The following TEX9 variants were observed in gnomAD, a reference collection of about 807,000 sequenced individuals.
The protein encoded by TEX9 is testis-expressed protein 9.
Under a neutral mutation model 59.6 loss-of-function variants are expected in TEX9, and 74 were observed. That is an observed-to-expected ratio of 1.24 (90% CI 1.03 to 1.51). The LOEUF is 1.51. TEX9 is among the 40% of genes most tolerant of loss of function. The pLI is 0.00. For synonymous variants in TEX9, 186 were observed against 152.2 expected (o/e 1.22, Z -1.64); for missense variants, 522 against 447.8 (o/e 1.17, Z -1.49).
At chr15:56,341,965 G>A (rs1266485551) in intron 1 of TEX9, among the ~76,000 whole-genome samples, 1 of 151,966 alleles carries the variant, frequency 6.6e-6, no homozygotes, top group Non-Finnish European at 1.5e-5. Flanking sequence ...CATATTATGT[G>A]GCTGTTCTCA....
chr15:56,389,575 A>G (rs1291235933), intron 6 of TEX9, among the ~76,000 whole-genome samples, 175 bp downstream of exon 6: 1 of 152,018 alleles, frequency 6.6e-6, no homozygotes, highest in Non-Finnish European at 1.5e-5. Flanking sequence ...CTACTCAGGA[A>G]TGTTTTGCAG....
intron 3 of TEX9, among the ~76,000 whole-genome samples, chr15:56,382,215 C>T (rs555614850): frequency 4.7e-4 from 71 of 152,130 alleles, no homozygotes; most frequent in Non-Finnish European, 9.1e-4. Flanking sequence ...TCAGTCAGGT[C>T]GTGGTGAATG....
chr15:56,441,060 G>A (rs113199989), intron 12 of TEX9, among the ~76,000 whole-genome samples: 6 of 151,998 alleles, frequency 3.9e-5, no homozygotes, highest in Non-Finnish European at 7.4e-5. Context: ...TTAACTGCAC[G>A]TCACATATTT....
intron 5 of TEX9, 32 bp downstream of exon 5, chr15:56,388,552 ATATTCTG>A (rs2048064595): frequency 6.3e-7 from 1 of 1,577,050 alleles, no homozygotes; most frequent in Non-Finnish European, 8.7e-7. Context: ...GAATGCAATT[ATATTCTG>A]TAGAACTCCG....
At chr15:56,269,200 T>C (rs562063198) in intron 1 of TEX9, among the ~76,000 whole-genome samples, 103 of 152,260 alleles carry the variant, frequency 6.8e-4, no homozygotes, top group African/African-American at 2.4e-3. Flanking sequence ...TGCATCTATT[T>C]GATTCTTCTC....
At chr15:56,353,920 G>C (rs1380438561) in intron 1 of TEX9, among the ~76,000 whole-genome samples, 1 of 152,130 alleles carries the variant, frequency 6.6e-6, no homozygotes, top group Non-Finnish European at 1.5e-5. Context: ...GCCAGCTTTA[G>C]AGGCCTTTTT....
At chr15:56,456,090 T>C in the TEX9 span, among the ~76,000 whole-genome samples, 20 of 152,282 alleles carry the variant, frequency 1.3e-4, no homozygotes, top group African/African-American at 4.8e-4. Context: ...AAACTAGTTA[T>C]TACCTAAGGT....
chr15:56,375,396 T>C (rs1351264180), intron 3 of TEX9, among the ~76,000 whole-genome samples: 2 of 151,444 alleles, frequency 1.3e-5, no homozygotes, highest in Non-Finnish European at 3.0e-5. Context: ...TTTGAGTTCA[T>C]TGTAGATTCT....
At chr15:56,276,322 C>T (rs1329266412) in intron 1 of TEX9, among the ~76,000 whole-genome samples, 1 of 152,196 alleles carries the variant, frequency 6.6e-6, no homozygotes, top group African/African-American at 2.4e-5. Context: ...AGTGCTCTCC[C>T]TCCTCTTGCC....
chr15:56,350,068 C>T (rs1305664252), intron 1 of TEX9, among the ~76,000 whole-genome samples: 1 of 151,932 alleles, frequency 6.6e-6, no homozygotes, highest in Non-Finnish European at 1.5e-5. Context: ...GCTTATAGTC[C>T]TTATATTGTA....
chr15:56,253,369 T>A (rs1308714324), intron 1 of TEX9, among the ~76,000 whole-genome samples: 2 of 152,104 alleles, frequency 1.3e-5, no homozygotes, highest in Non-Finnish European at 1.5e-5. Context: ...TACAGAGGTG[T>A]CTGACTTTAA....
intron 1 of TEX9, among the ~76,000 whole-genome samples, chr15:56,256,239 G>T (rs1340948938): frequency 6.6e-6 from 1 of 151,950 alleles, no homozygotes; most frequent in East Asian, 1.9e-4. Context: ...TCATGTCACA[G>T]ATGAGGAACT....
rs575850152 is a variant in TEX9 at position 56,339,212 on chromosome 15, G to A, written c.-106-34229G>A. 3.3e-5 allele frequency among the ~76,000 whole-genome samples: 5 copies of A among 151,050 alleles called. No homozygotes were observed. The South Asian group carries it at 1.1e-3, about 32-fold the overall frequency. ...AGCCTGGCCAACATGGTGAAACCCC[G>A]ACTCTACTAAAAATACAAAAATTAG... On this transcript the variant is annotated intron_variant, in intron 1 of 5. Transcript: ENST00000560827.
intron 1 of TEX9, among the ~76,000 whole-genome samples, chr15:56,327,051 T>C (rs975770413): frequency 7.9e-5 from 12 of 152,212 alleles, no homozygotes; most frequent in African/African-American, 2.7e-4. Context: ...AAAAAATCAT[T>C]ATCAAAATAA....
In TEX9 at chr15:56,427,655, CAAG is replaced by C. The variant is rs773418870; in HGVS notation, c.1018_1020del (p.Lys340del). ...AAATTGAAGTGTTAAAATCAGAAAA[CAAG>C]AAGCTAGAAAAACAAAAAGGAGAAT... On this transcript the variant is annotated inframe_deletion, in exon 11 of 13. Coordinates refer to ENST00000352903, the Ensembl canonical transcript of TEX9. 57 of 1,540,522 alleles carry C rather than the reference CAAG, an allele frequency of 3.7e-5. 1 individual carries two copies. The highest frequency in any genetic ancestry group is 2.6e-5 in the Non-Finnish European group (30 of 1,144,662).
chr15:56,373,132 G>A (rs1172963588), intron 2 of TEX9, among the ~76,000 whole-genome samples: 1 of 152,096 alleles, frequency 6.6e-6, no homozygotes, highest in Non-Finnish European at 1.5e-5. Flanking sequence ...ACGAGGAGGT[G>A]GTGAGTGGAA....
chr15:56,388,109 A>G lies in TEX9; in HGVS notation c.264-363A>G, dbSNP rs367878364. 2.0e-5 allele frequency among the ~76,000 whole-genome samples: 3 copies of G among 152,132 alleles called. 1 individual carries two copies. Among genetic ancestry groups the G allele is most frequent in the Admixed American group, 6.6e-5 (1 of 15,258 alleles). On this transcript the variant is annotated intron_variant, in intron 4 of 12. Coordinates refer to ENST00000352903, the Ensembl canonical transcript of TEX9. ...AACCAGGTGTTTTAAGTGGATTAAA[A>G]GAACAGTAACATTGAGTGGGCTTAC...
intron 1 of TEX9, among the ~76,000 whole-genome samples, chr15:56,306,136 T>C (rs763145864): frequency 6.6e-6 from 1 of 151,506 alleles, no homozygotes; most frequent in Non-Finnish European, 1.5e-5. Context: ...AAGGTAACCC[T>C]TGTACACTGT....
intron 1 of TEX9, among the ~76,000 whole-genome samples, chr15:56,250,428 T>C (rs180950903): frequency 6.6e-6 from 1 of 152,072 alleles, no homozygotes; most frequent in Admixed American, 6.5e-5. Flanking sequence ...GCAGTGTGAG[T>C]AGAAGCAGGA....
Sources: gnomAD v4.1 joint callset for allele counts (sites outside exome capture counted in the v4.1 genomes callset) on GRCh38, gnomAD v4.1.1 for gene constraint, MANE v1.5 for transcripts, NCBI Gene and HGNC (gene_info 2026-07-23, HGNC 2026-07-21) for gene names.